Variants in CTNND2 observed in about 807,000 individuals in gnomAD.
CTNND2 encodes the protein catenin delta-2.
In CTNND2, 22 loss-of-function variants were observed where a neutral mutation model predicts 144.4. The ratio of observed to expected loss-of-function variants is 0.15; its 90% CI spans 0.11 to 0.22. The LOEUF is 0.22. Among genes scored for constraint, CTNND2 ranks in the 10% least tolerant of loss-of-function variants. CTNND2 has a pLI of 1.00. For missense variants in CTNND2, 1,353 were observed against 1,618.8 expected (o/e 0.84, Z 2.82); for synonymous variants, 751 against 695.6 (o/e 1.08, Z -1.25).
chr5:11,448,477 T>C (rs1765025156), intron 3 of CTNND2, among the ~76,000 whole-genome samples: 1 of 152,168 alleles, frequency 6.6e-6, no homozygotes, highest in Admixed American at 6.5e-5. Context: ...TTATATTTCA[T>C]TGTTTTATTA....
intron 2 of CTNND2, among the ~76,000 whole-genome samples, chr5:11,655,971 A>G (rs1782893331): frequency 6.6e-6 from 1 of 151,924 alleles, no homozygotes; most frequent in South Asian, 2.1e-4. Context: ...GGTGTCATAA[A>G]TGTTGCACCT....
At chr5:11,675,120 T>C (rs923478190) in intron 2 of CTNND2, among the ~76,000 whole-genome samples, 3 of 152,112 alleles carry the variant, frequency 2.0e-5, no homozygotes, top group Non-Finnish European at 2.9e-5. Context: ...TCAATGAAAG[T>C]ATTCTGAAAC....
intron 9 of CTNND2, among the ~76,000 whole-genome samples, chr5:11,260,120 G>C (rs1397921110): frequency 6.6e-6 from 1 of 152,044 alleles, no homozygotes; most frequent in African/African-American, 2.4e-5. Flanking sequence ...TCTAATATTT[G>C]CTGCTGTGAA....
At chr5:11,747,392 T>C (rs1788372797) in intron 1 of CTNND2, among the ~76,000 whole-genome samples, 1 of 152,216 alleles carries the variant, frequency 6.6e-6, no homozygotes, top group Non-Finnish European at 1.5e-5. Flanking sequence ...TTGAATTGAC[T>C]ATTCTTTTGG....
intron 9 of CTNND2, among the ~76,000 whole-genome samples, chr5:11,287,279 C>G (rs1420690734): frequency 6.6e-6 from 1 of 152,146 alleles, no homozygotes; most frequent in Non-Finnish European, 1.5e-5. Flanking sequence ...GGGCCTCATC[C>G]AATCAGTTGA....
intron 16 of CTNND2, among the ~76,000 whole-genome samples, chr5:11,028,326 G>A (rs1743080497): frequency 6.6e-6 from 1 of 152,018 alleles, no homozygotes; most frequent in Admixed American, 6.5e-5. Context: ...ACTGATCTGT[G>A]GGTTTTTGCT....
intron 2 of CTNND2, among the ~76,000 whole-genome samples, chr5:11,634,835 G>A (rs1420100653): frequency 6.6e-6 from 1 of 152,086 alleles, no homozygotes; most frequent in Non-Finnish European, 1.5e-5. Context: ...ATTTCCTAAA[G>A]GTGCAGCTTG....
chr5:11,228,417 A>C (rs2149879976), intron 10 of CTNND2, among the ~76,000 whole-genome samples: 1 of 144,132 alleles, frequency 6.9e-6, no homozygotes, highest in African/African-American at 2.6e-5. Flanking sequence ...CTGTGGCTTC[A>C]CCTCTCCATC....
intron 1 of CTNND2, among the ~76,000 whole-genome samples, chr5:11,778,060 G>T (rs1032372398): frequency 1.3e-5 from 2 of 152,014 alleles, no homozygotes; most frequent in African/African-American, 4.8e-5. Flanking sequence ...AAAATTTCCA[G>T]ATCTCAGGTT....
At chr5:11,783,191 G>A (rs1438874882) in intron 1 of CTNND2, among the ~76,000 whole-genome samples, 1 of 152,108 alleles carries the variant, frequency 6.6e-6, no homozygotes, top group Non-Finnish European at 1.5e-5. Flanking sequence ...ATGAGCGAGG[G>A]AGCCAAGAGA....
chr5:11,774,701 A>T (rs929552477), intron 1 of CTNND2, among the ~76,000 whole-genome samples: 2 of 151,946 alleles, frequency 1.3e-5, no homozygotes, highest in Non-Finnish European at 2.9e-5. Flanking sequence ...CTTTTTTTTC[A>T]ACTGGAGAAT....
At chr5:11,443,260 T>G (rs936927957) in intron 3 of CTNND2, among the ~76,000 whole-genome samples, 2 of 119,868 alleles carry the variant, frequency 1.7e-5, no homozygotes, top group Non-Finnish European at 3.4e-5. Context: ...GTGCTGTGTG[T>G]GGTGTGTGTG....
At chr5:11,006,941 G>A (rs1312499461) in intron 18 of CTNND2, among the ~76,000 whole-genome samples, 1 of 152,162 alleles carries the variant, frequency 6.6e-6, no homozygotes, top group African/African-American at 2.4e-5. Flanking sequence ...TTAACAAGAG[G>A]CCTGGACCAT....
rs1427005515 is a variant in CTNND2, at chr5:10,971,858, T to A, written c.*1595A>T. 1 of 152,674 alleles carries A rather than the reference T, an allele frequency of 6.5e-6. No individual in the cohort carries two copies. Among genetic ancestry groups the A allele is most frequent in the Admixed American group, 6.5e-5 (1 of 15,288 alleles). 9.5% of individuals were successfully genotyped at this position (152,674 alleles called of 1,614,324 possible). A position where few individuals can be genotyped will look rare whatever the true frequency, so the allele number is the denominator to read the frequency against. On this transcript the variant is annotated 3_prime_UTR_variant, in exon 22 of 22. Coordinates refer to ENST00000304623, the MANE Select transcript of CTNND2 (RefSeq NM_001332.4). ...CAATTTCTTTTGTTACTGATGTTTT[T>A]ATTTTTTCCAAGAACAGTTAACATT...
At chr5:11,119,838 A>G (rs1165064157) in intron 12 of CTNND2, among the ~76,000 whole-genome samples, 1 of 152,136 alleles carries the variant, frequency 6.6e-6, no homozygotes. Context: ...TCTGAAAAAA[A>G]CCCTCTGCAG....
intron 2 of CTNND2, among the ~76,000 whole-genome samples, chr5:11,673,386 A>G (rs1278168049): frequency 6.6e-6 from 1 of 152,174 alleles, no homozygotes; most frequent in Non-Finnish European, 1.5e-5. Context: ...TTAAATCCCA[A>G]TATGTTATAA....
intron 8 of CTNND2, among the ~76,000 whole-genome samples, chr5:11,352,138 T>C (rs1428675968): frequency 1.3e-5 from 2 of 152,232 alleles, no homozygotes; most frequent in African/African-American, 4.8e-5. Context: ...TTACTATCTT[T>C]GTGGGGAGAG....
At chr5:11,419,402 C>T (rs562046500) in intron 3 of CTNND2, among the ~76,000 whole-genome samples, 1 of 152,128 alleles carries the variant, frequency 6.6e-6, no homozygotes, top group Non-Finnish European at 1.5e-5. Context: ...GTTAGAATCA[C>T]TCCCAGTTTA....
rs551716517 is a variant in CTNND2, at chr5:11,062,747, G to C, written c.2788+19949C>G. 4.6e-5 allele frequency among the ~76,000 whole-genome samples: 7 copies of C among 152,272 alleles called. No homozygotes were observed. In the South Asian group the frequency reaches 6.2e-4, roughly 14 times the overall value. Reference sequence around the variant, plus strand: ...GGATACAGGGTTTGGGGTTTTAAGGGAATCCATTTTCAGATTCTCGACCTC... The same window carrying C: ...GGATACAGGGTTTGGGGTTTTAAGGCAATCCATTTTCAGATTCTCGACCTC... On this transcript the variant is annotated intron_variant, in intron 16 of 21. Coordinates refer to ENST00000304623, the MANE Select transcript of CTNND2 (RefSeq NM_001332.4).
Sources: allele counts gnomAD v4.1 joint callset (sites outside exome capture counted in the v4.1 genomes callset), GRCh38; gene constraint gnomAD v4.1.1; transcripts MANE v1.5; gene names NCBI Gene and HGNC (gene_info 2026-07-23, HGNC 2026-07-21).